Variants in ROBO2 observed in about 807,000 individuals in gnomAD.
The protein encoded by ROBO2 is roundabout homolog 2.
A neutral mutation model predicts 160.8 loss-of-function variants in ROBO2; 53 were observed. The ratio of observed to expected loss-of-function variants is 0.33; its 90% confidence interval spans 0.26 to 0.41. The LOEUF is 0.41. Among genes scored for constraint, ROBO2 ranks in the 10% least tolerant of loss-of-function variants. ROBO2 has a pLI of 1.00. For missense variants in ROBO2, 1,577 were observed against 1,722.4 expected (o/e 0.92, Z 1.49); for synonymous variants, 664 against 611.7 (o/e 1.09, Z -1.26).
chr3:76,912,578 T>G (rs553009105), intron 2 of ROBO2, among the ~76,000 whole-genome samples: 38 of 152,312 alleles, frequency 2.5e-4, no homozygotes, highest in African/African-American at 9.1e-4. Context: ...CTTACAATTT[T>G]TAATCGATAA....
intron 2 of ROBO2, among the ~76,000 whole-genome samples, chr3:76,934,331 T>G (rs1401515920): frequency 6.6e-6 from 1 of 152,082 alleles, no homozygotes; most frequent in African/African-American, 2.4e-5. Flanking sequence ...GTTTATGAAA[T>G]GTTGGAATAT....
chr3:77,305,962 C>G (rs1368942009), intron 2 of ROBO2, among the ~76,000 whole-genome samples: 1 of 152,020 alleles, frequency 6.6e-6, no homozygotes. Context: ...CAGGTAGCTT[C>G]TTTATTGTTA....
intron 2 of ROBO2, among the ~76,000 whole-genome samples, chr3:76,883,588 A>G (rs80135103): frequency 0.022 from 3,372 of 152,288 alleles, 49 homozygotes; most frequent in Non-Finnish European, 0.033. Flanking sequence ...ATTTAGTATC[A>G]CACTGTAGAA....
intron 2 of ROBO2, among the ~76,000 whole-genome samples, chr3:76,963,038 A>G (rs2079787038): frequency 6.6e-6 from 1 of 151,918 alleles, no homozygotes; most frequent in Non-Finnish European, 1.5e-5. Context: ...AGTAACTCTA[A>G]ATAAATGTAA....
In ROBO2 at chr3:77,327,825, C is replaced by T. The variant is rs754743407; in HGVS notation, c.389-149589C>T. ...AGCACTTTGGGAGGCCGAGGTGGGTCGATCACCTGAGGTCAGGAGTTTGAG... is the reference window on the plus strand; with the variant it reads ...AGCACTTTGGGAGGCCGAGGTGGGTTGATCACCTGAGGTCAGGAGTTTGAG... On this transcript the variant is annotated intron_variant, in intron 2 of 25. Coordinates refer to ENST00000461745, the Ensembl canonical transcript of ROBO2. Among the ~76,000 whole-genome samples, 86 of 151,810 alleles carry T rather than the reference C, an allele frequency of 5.7e-4. 1 individual carries two copies. Among genetic ancestry groups the T allele is most frequent in the Non-Finnish European group, 1.0e-4 (7 of 67,938 alleles).
At chr3:76,214,090 A>ACCC (rs934660737) in intron 2 of ROBO2, among the ~76,000 whole-genome samples, 2 of 152,140 alleles carry the variant, frequency 1.3e-5, no homozygotes, top group African/African-American at 4.8e-5. Flanking sequence ...TTGACAGATA[A>ACCC]CATTAATTAT....
intron 2 of ROBO2, among the ~76,000 whole-genome samples, chr3:76,703,501 G>A (rs908071866): frequency 1.1e-4 from 16 of 151,954 alleles, no homozygotes; most frequent in African/African-American, 3.9e-4. Flanking sequence ...TTCTCCTAAT[G>A]CTCTCCCTCC....
chr3:76,822,683 A>G (rs1419158168), intron 2 of ROBO2, among the ~76,000 whole-genome samples: 1 of 151,732 alleles, frequency 6.6e-6, no homozygotes, highest in Non-Finnish European at 1.5e-5. Flanking sequence ...GGAGAACAGG[A>G]CCATGTGTTA....
chr3:76,020,471 T>A (rs912057228), intron 2 of ROBO2, among the ~76,000 whole-genome samples: 1 of 151,866 alleles, frequency 6.6e-6, no homozygotes, highest in African/African-American at 2.4e-5. Flanking sequence ...CTTTAAGTTT[T>A]TATTTAAATT....
At chr3:77,023,158 G>T (rs192323035) in intron 2 of ROBO2, among the ~76,000 whole-genome samples, 3 of 152,080 alleles carry the variant, frequency 2.0e-5, no homozygotes, top group Non-Finnish European at 2.9e-5. Flanking sequence ...TCTTTCCCTC[G>T]CTATTCTCAT....
chr3:77,344,345 T>C (rs942732398), intron 2 of ROBO2, among the ~76,000 whole-genome samples: 1 of 152,214 alleles, frequency 6.6e-6, no homozygotes, highest in Non-Finnish European at 1.5e-5. Flanking sequence ...GGACTGAACA[T>C]TTGTGTCCCA....
chr3:77,155,689 T>A (rs1366046815), intron 2 of ROBO2, among the ~76,000 whole-genome samples: 1 of 152,050 alleles, frequency 6.6e-6, no homozygotes, highest in Non-Finnish European at 1.5e-5. Flanking sequence ...ACAGCTACTC[T>A]GTTCTGGATT....
At chr3:76,879,580 C>T (rs1220605043) in intron 2 of ROBO2, among the ~76,000 whole-genome samples, 4 of 151,944 alleles carry the variant, frequency 2.6e-5, no homozygotes, top group Non-Finnish European at 5.9e-5. Flanking sequence ...GTGAAGAGGC[C>T]TCTGTCGTTA....
intron 20 of ROBO2, 158 bp downstream of exon 21, chr3:77,602,649 ACCACCACCACCG>A: frequency 4.8e-6 from 4 of 826,620 alleles, no homozygotes; most frequent in Non-Finnish European, 7.6e-6. Context: ...AGTAATTCCT[ACCACCACCACCG>A]CCACCACCAC....
chr3:76,564,834 A>G (rs1029197956), intron 2 of ROBO2, among the ~76,000 whole-genome samples: 23 of 152,168 alleles, frequency 1.5e-4, no homozygotes, highest in Non-Finnish European at 2.9e-4. Flanking sequence ...TCTCTTTTAA[A>G]ATGGTAATAC....
chr3:76,448,831 T>C (rs557595235), intron 2 of ROBO2, among the ~76,000 whole-genome samples: 25 of 152,146 alleles, frequency 1.6e-4, no homozygotes, highest in Middle Eastern at 6.8e-3. Context: ...AACTTCAGGG[T>C]AAAGTACCCA....
At chr3:76,394,426 C>A (rs943929027) in intron 2 of ROBO2, among the ~76,000 whole-genome samples, 1 of 152,082 alleles carries the variant, frequency 6.6e-6, no homozygotes, top group African/African-American at 2.4e-5. Context: ...GTTGAAAATT[C>A]TTTAAGAATG....
intron 2 of ROBO2, among the ~76,000 whole-genome samples, chr3:76,130,568 C>T (rs1021239748): frequency 3.3e-5 from 5 of 152,064 alleles, no homozygotes; most frequent in Non-Finnish European, 7.4e-5. Context: ...ATTATCATAT[C>T]TGTATTCAGG....
In ROBO2 at chr3:76,580,747, C is replaced by A. The variant is rs115770301; in HGVS notation, c.110-517267C>A. 8.3e-3 allele frequency among the ~76,000 whole-genome samples: 1,258 copies of A among 152,028 alleles called. 14 individuals carry two copies. The highest frequency in any genetic ancestry group is 0.013 in the Non-Finnish European group (895 of 67,960). On this transcript the variant is annotated intron_variant, in intron 2 of 26. Transcript: ENST00000487694. ...TGAAAAACATGAATTAATTTACCACCAATTTGTTTGATAATATGTTTCTAG... is the reference window on the plus strand; with the variant it reads ...TGAAAAACATGAATTAATTTACCACAAATTTGTTTGATAATATGTTTCTAG...
Sources: allele counts gnomAD v4.1 joint callset (sites outside exome capture counted in the v4.1 genomes callset), GRCh38; gene constraint gnomAD v4.1.1; transcripts MANE v1.5; gene names NCBI Gene and HGNC (gene_info 2026-07-23, HGNC 2026-07-21).